ATP2B2: variants seen among roughly 807,000 people sequenced by gnomAD.
The protein encoded by ATP2B2 is ATPase plasma membrane Ca2+ transporting 2.
A neutral mutation model predicts 120.0 loss-of-function variants in ATP2B2; 15 were observed. That is an observed-to-expected ratio of 0.12 (90% CI 0.08 to 0.19). The LOEUF (loss-of-function observed/expected upper bound fraction) is 0.19. Among genes scored for constraint, ATP2B2 ranks in the 10% least tolerant of loss-of-function variants. ATP2B2 has a pLI of 1.00. For missense variants in ATP2B2, 1,045 were observed against 1,719.8 expected, an observed-to-expected ratio of 0.61 and a Z score of 6.94; for synonymous variants, 694 against 700.3, an observed-to-expected ratio of 0.99 and a Z score of 0.14.
At chr3:10,699,820 T>C (rs982542414) in intron 1 of ATP2B2, among the ~76,000 whole-genome samples, 7 of 152,194 alleles carry the variant, frequency 4.6e-5, no homozygotes, top group Middle Eastern at 6.8e-3. Context: ...TCAGCCCCCT[T>C]TTGCTGTCCT....
intron 3 of ATP2B2, among the ~76,000 whole-genome samples, chr3:10,514,870 G>A (rs1428522433): frequency 1.3e-5 from 2 of 152,218 alleles, no homozygotes; most frequent in African/African-American, 4.8e-5. Flanking sequence ...ACATCCCCCT[G>A]CAGGTGGCCC....
intron 2 of ATP2B2, among the ~76,000 whole-genome samples, chr3:10,413,979 C>T (rs1166214823): frequency 2.6e-5 from 4 of 152,290 alleles, no homozygotes; most frequent in Non-Finnish European, 4.4e-5. Flanking sequence ...CCAGCCAATT[C>T]CCTTCTCTGA....
chr3:10,516,299 C>T (rs2066874946), intron 3 of ATP2B2, among the ~76,000 whole-genome samples: 1 of 152,260 alleles, frequency 6.6e-6, no homozygotes, highest in Admixed American at 6.5e-5. Flanking sequence ...TGCTGATAAC[C>T]TGCTCTTAGC....
rs2067652971 is a variant in ATP2B2 at position 10,550,849 on chromosome 3, G to A, written c.-414-16716C>T. On this transcript the variant is annotated intron_variant, in intron 2 of 21. Transcript: ENST00000646379. ...GGGGAAACATTCACAGTTGTTCTGG[G>A]AGAGACAGAAGCTGTTATGCACGGT... Among the ~76,000 whole-genome samples the A allele has an allele frequency of 2.0e-5, 3 of 152,210 alleles. No individual in the cohort carries two copies. In the South Asian group the frequency reaches 6.2e-4, roughly 31 times the overall value.
intron 2 of ATP2B2, among the ~76,000 whole-genome samples, chr3:10,587,262 A>G (rs1462378447): frequency 6.6e-6 from 1 of 152,018 alleles, no homozygotes; most frequent in African/African-American, 2.4e-5. Context: ...CCGTGATCAT[A>G]CCCCTGCACT....
At chr3:10,385,427 A>G in intron 7 of ATP2B2, 100 bp from the exon 8 acceptor site, 2 of 1,012,750 alleles carry the variant, frequency 2.0e-6, no homozygotes. Context: ...ACATGACTCT[A>G]TTCTTAAAAA....
At chr3:10,661,760 A>C (rs2070786569) in intron 1 of ATP2B2, among the ~76,000 whole-genome samples, 1 of 152,258 alleles carries the variant, frequency 6.6e-6, no homozygotes, top group Non-Finnish European at 1.5e-5. Context: ...TTTAAAGTTC[A>C]TGTGGAACCA....
intron 1 of ATP2B2, among the ~76,000 whole-genome samples, chr3:10,495,813 C>T (rs1403591846): frequency 6.6e-6 from 1 of 152,240 alleles, no homozygotes; most frequent in Non-Finnish European, 1.5e-5. Flanking sequence ...TCTGGAAGCT[C>T]TAAATACTGT....
intron 2 of ATP2B2, among the ~76,000 whole-genome samples, chr3:10,432,229 A>T (rs1033997144): frequency 6.6e-6 from 1 of 152,212 alleles, no homozygotes; most frequent in East Asian, 1.9e-4. Flanking sequence ...TAATACCGGA[A>T]GGAGATGCCA....
intron 2 of ATP2B2, among the ~76,000 whole-genome samples, chr3:10,413,474 C>T (rs917314688): frequency 6.6e-6 from 1 of 152,240 alleles, no homozygotes; most frequent in Non-Finnish European, 1.5e-5. Flanking sequence ...AGGTTAGGCT[C>T]ATTTCACAGA....
At chr3:10,683,071 G>T (rs2071420908) in intron 1 of ATP2B2, among the ~76,000 whole-genome samples, 1 of 151,678 alleles carries the variant, frequency 6.6e-6, no homozygotes, top group African/African-American at 2.4e-5. Flanking sequence ...CTTTGTATGT[G>T]TACTTCACCT....
chr3:10,649,739 GT>G (rs1272816535), intron 1 of ATP2B2, among the ~76,000 whole-genome samples: 1 of 152,154 alleles, frequency 6.6e-6, no homozygotes, highest in Non-Finnish European at 1.5e-5. Context: ...CTGGTGGGAG[GT>G]AATTGAATCA....
At chr3:10,458,163 CATCT>C (rs2064344636) in intron 1 of ATP2B2, among the ~76,000 whole-genome samples, 1 of 152,172 alleles carries the variant, frequency 6.6e-6, no homozygotes, top group South Asian at 2.1e-4. Flanking sequence ...TCTCTCCATC[CATCT>C]GTTCATCCAC....
chr3:10,616,682 G>GCA (rs34616841), intron 2 of ATP2B2, among the ~76,000 whole-genome samples: 86,218 of 151,066 alleles, frequency 0.57, 25,192 homozygotes, highest in Middle Eastern at 0.61. Context: ...CTAGCAAAAT[G>GCA]CACACACACA....
At chr3:10,348,293 G>C (rs1343750685) in intron 16 of ATP2B2, among the ~76,000 whole-genome samples, 1 of 152,032 alleles carries the variant, frequency 6.6e-6, no homozygotes, top group Non-Finnish European at 1.5e-5. Flanking sequence ...AGCTCCACTT[G>C]AGGTGTCACC....
At chr3:10,354,697 G>A (rs779269519) in intron 14 of ATP2B2, among the ~76,000 whole-genome samples, 16 of 152,318 alleles carry the variant, frequency 1.1e-4, no homozygotes, top group Middle Eastern at 3.4e-3. Flanking sequence ...TGGGCTTCTC[G>A]TGGGAGGAAG....
chr3:10,577,194 T>A (rs2068273769), intron 2 of ATP2B2, among the ~76,000 whole-genome samples: 1 of 152,152 alleles, frequency 6.6e-6, no homozygotes, highest in South Asian at 2.1e-4. Context: ...GTTAGCAGGA[T>A]TCCTGGAGAA....
chr3:10,509,018 T>C (rs1466891466), upstream of ATP2B2, among the ~76,000 whole-genome samples: 8 of 152,154 alleles, frequency 5.3e-5, no homozygotes, highest in Non-Finnish European at 1.5e-5. Flanking sequence ...ACCATGTTTT[T>C]CTCCCTTGGG....
At chr3:10,472,771 C>T (rs1001628030) in intron 1 of ATP2B2, among the ~76,000 whole-genome samples, 5 of 152,202 alleles carry the variant, frequency 3.3e-5, no homozygotes, top group East Asian at 1.9e-4. Flanking sequence ...TCAGGTTCCC[C>T]GGGTATCCCC....
Sources: allele counts gnomAD v4.1 joint callset (sites outside exome capture counted in the v4.1 genomes callset), GRCh38; gene constraint gnomAD v4.1.1; transcripts MANE v1.5; gene names NCBI Gene and HGNC (gene_info 2026-07-23, HGNC 2026-07-21).